Variants in DZANK1 observed in about 807,000 individuals in gnomAD.
The protein encoded by DZANK1 is double zinc ribbon and ankyrin repeat-containing protein 1.
DZANK1 carries 91 observed loss-of-function variants against 94.5 expected under a neutral mutation model. The ratio of observed to expected loss-of-function variants is 0.96; its 90% CI spans 0.81 to 1.15. The LOEUF is 1.15. Among genes scored for constraint, DZANK1 ranks in the 50% most tolerant of loss-of-function variants. DZANK1 has a pLI of 0.00. For synonymous variants in DZANK1, 312 were observed against 325.3 expected (o/e 0.96, Z 0.44); for missense variants, 903 against 916.4 (o/e 0.99, Z 0.19).
chr20:18,418,716 T>C (rs910005192), intron 10 of DZANK1, among the ~76,000 whole-genome samples: 2 of 152,120 alleles, frequency 1.3e-5, no homozygotes, highest in African/African-American at 4.8e-5. Context: ...ATGAATCAGA[T>C]GTTGAAAGAA....
intron 19 of DZANK1, among the ~76,000 whole-genome samples, chr20:18,389,458 A>G (rs966979313): frequency 6.6e-6 from 1 of 152,212 alleles, no homozygotes; most frequent in African/African-American, 2.4e-5. Context: ...GAATTAACAA[A>G]ATGTATCATC....
At chr20:18,466,636 T>C (rs550278379) in intron 1 of DZANK1, among the ~76,000 whole-genome samples, 90 of 152,260 alleles carry the variant, frequency 5.9e-4, no homozygotes, top group African/African-American at 2.0e-3. Context: ...GGAGAGGAAG[T>C]AATTCGCGAG....
At chr20:18,417,883 C>G (rs538222038) in intron 10 of DZANK1, among the ~76,000 whole-genome samples, 8 of 152,016 alleles carry the variant, frequency 5.3e-5, no homozygotes, top group Non-Finnish European at 1.0e-4. Flanking sequence ...GTCAGGAGTT[C>G]GAGACCAGCC....
chr20:18,384,950 C>A, intron 20 of DZANK1, 66 bp downstream of exon 20: 1 of 1,457,114 alleles, frequency 6.9e-7, no homozygotes. Context: ...CTCTTAAAAT[C>A]ATCACAGGCC....
intron 10 of DZANK1, among the ~76,000 whole-genome samples, chr20:18,421,807 G>A (rs2057794990): frequency 6.6e-6 from 1 of 152,176 alleles, no homozygotes; most frequent in African/African-American, 2.4e-5. Context: ...CCACCCTGGA[G>A]CATCATCTGG....
At chr20:18,452,039 C>A in intron 6 of DZANK1, 1 of 433,880 alleles carries the variant, frequency 2.3e-6, no homozygotes, top group Non-Finnish European at 4.4e-6. Context: ...TGACTCTCAA[C>A]CATACCTGAC....
Position 18,445,010 on chromosome 20 carries a change from T to C in DZANK1, c.630-1546A>G, listed in dbSNP as rs142039676. Reference sequence around the variant, plus strand: ...TTTTAGTAGAGATGGGGTTTCACTGTGTTAGCCAAGATGATCTCGATCTCC... The same window carrying C: ...TTTTAGTAGAGATGGGGTTTCACTGCGTTAGCCAAGATGATCTCGATCTCC... On this transcript the variant is annotated intron_variant, in intron 7 of 20. Coordinates refer to ENST00000262547, the Ensembl canonical transcript of DZANK1. Among the ~76,000 whole-genome samples the C allele has an allele frequency of 5.7e-3, 872 of 152,004 alleles. 12 individuals carry two copies. Among genetic ancestry groups the C allele is most frequent in the African/African-American group, 0.019 (798 of 41,450 alleles).
chr20:18,401,501 A>G (rs750668878), intron 13 of DZANK1, among the ~76,000 whole-genome samples: 4 of 152,244 alleles, frequency 2.6e-5, no homozygotes, highest in Non-Finnish European at 5.9e-5. Flanking sequence ...AATATGGTCA[A>G]TGCTCTGCAG....
intron 17 of DZANK1, among the ~76,000 whole-genome samples, chr20:18,392,867 G>T (rs778346919): frequency 6.6e-6 from 1 of 152,158 alleles, no homozygotes; most frequent in Non-Finnish European, 1.5e-5. Context: ...CTTTCCAGGG[G>T]AGCCCTGCAG....
At chr20:18,414,104 T>C (rs942897533) in intron 12 of DZANK1, among the ~76,000 whole-genome samples, 1 of 152,186 alleles carries the variant, frequency 6.6e-6, no homozygotes, top group African/African-American at 2.4e-5. Context: ...ACATAAGAAA[T>C]TCAAGAGAAG....
intron 7 of DZANK1, among the ~76,000 whole-genome samples, chr20:18,447,853 A>G (rs771880641): frequency 1.3e-5 from 2 of 152,210 alleles, no homozygotes; most frequent in Non-Finnish European, 2.9e-5. Flanking sequence ...TGAGAATGTA[A>G]AATGGAACAA....
intron 10 of DZANK1, among the ~76,000 whole-genome samples, chr20:18,426,593 T>C (rs1035478377): frequency 1.3e-5 from 2 of 152,234 alleles, no homozygotes; most frequent in Non-Finnish European, 2.9e-5. Flanking sequence ...GTATTTAAAG[T>C]GCATATACTC....
chr20:18,417,903 C>T (rs568577177), intron 10 of DZANK1, among the ~76,000 whole-genome samples: 78 of 152,102 alleles, frequency 5.1e-4, no homozygotes, highest in Non-Finnish European at 5.0e-4. Context: ...CTGGCCAACA[C>T]GGTGAAACAC....
At chr20:18,439,653 T>C (rs2058657957) in intron 8 of DZANK1, among the ~76,000 whole-genome samples, 1 of 152,146 alleles carries the variant, frequency 6.6e-6, no homozygotes, top group South Asian at 2.1e-4. Flanking sequence ...TCCCCCACGA[T>C]CATATCTGGC....
chr20:18,385,438 C>T (rs531497643), intron 19 of DZANK1, among the ~76,000 whole-genome samples: 10 of 150,764 alleles, frequency 6.6e-5, no homozygotes, highest in South Asian at 2.1e-4. Flanking sequence ...TTTTTTGAGA[C>T]GGAGTCTTGC....
At chr20:18,427,209 G>A in intron 9 of DZANK1, 50 bp from the exon 10 acceptor site, 2 of 1,425,564 alleles carry the variant, frequency 1.4e-6, no homozygotes, top group Non-Finnish European at 2.0e-6. Context: ...AAACAACTGT[G>A]CAAAGAAATC....
At chr20:18,432,719 G>C (rs1182643997) in intron 9 of DZANK1, 3 of 152,116 alleles carry the variant, frequency 2.0e-5, no homozygotes. Context: ...AAAATTCTTA[G>C]TTTTTTAATC....
Position 18,401,125 on chromosome 20 carries a change from T to C in DZANK1, c.1433-2499A>G, listed in dbSNP as rs2056655005. ...CTAATTTTTGTACTTTTAGTAGAGA[T>C]GGGGTTTTGCTATGTTGGCCAGGCT... is the stretch of plus-strand genomic sequence containing the variant. On this transcript the variant is annotated intron_variant, in intron 13 of 20. Transcript: ENST00000262547. 2.0e-5 allele frequency among the ~76,000 whole-genome samples: 3 copies of C among 152,226 alleles called. No homozygotes were observed. The South Asian group carries it at 6.2e-4, about 32-fold the overall frequency.
intron 10 of DZANK1, among the ~76,000 whole-genome samples, chr20:18,419,016 C>A (rs1280059441): frequency 6.6e-6 from 1 of 152,106 alleles, no homozygotes. Flanking sequence ...AATCTCAGCA[C>A]TTTGGGAGGC....
Sources: allele counts gnomAD v4.1 joint callset (sites outside exome capture counted in the v4.1 genomes callset), GRCh38; gene constraint gnomAD v4.1.1; transcripts MANE v1.5; gene names NCBI Gene and HGNC (gene_info 2026-07-23, HGNC 2026-07-21).